Variants in NXPH1 observed in about 807,000 individuals in gnomAD.
NXPH1 encodes neurexophilin-1.
In NXPH1, 5 loss-of-function variants were observed where a neutral mutation model predicts 23.7. That is an observed-to-expected ratio of 0.21 (90% confidence interval 0.11 to 0.44). NXPH1 has a LOEUF of 0.44. NXPH1 is among the 20% of genes least tolerant of loss of function. The pLI, the probability that NXPH1 is intolerant of heterozygous loss-of-function variation, is 0.99. For missense variants in NXPH1, 324 were observed against 321.6 expected, an observed-to-expected ratio of 1.01 and a Z score of -0.06; for synonymous variants, 144 against 122.2, an observed-to-expected ratio of 1.18 and a Z score of -1.18.
chr7:8,506,773 G>C (rs1279676378), intron 2 of NXPH1, among the ~76,000 whole-genome samples: 1 of 152,016 alleles, frequency 6.6e-6, no homozygotes, highest in East Asian at 1.9e-4. Context: ...GAAGGAGTGA[G>C]GGCCAATGCA....
At chr7:8,712,213 G>A (rs1017003) in intron 2 of NXPH1, among the ~76,000 whole-genome samples, 69,018 of 151,886 alleles carry the variant, frequency 0.45, 16,991 homozygotes, top group African/African-American at 0.65. Flanking sequence ...TGTTGAACTC[G>A]GTATGTTTAA....
At chr7:8,732,578 A>G (rs1780176999) in intron 2 of NXPH1, among the ~76,000 whole-genome samples, 1 of 152,234 alleles carries the variant, frequency 6.6e-6, no homozygotes, top group South Asian at 2.1e-4. Flanking sequence ...TTTTATGGGT[A>G]ATACAAAAGT....
At chr7:8,689,187 G>T (rs1821190997) in intron 2 of NXPH1, among the ~76,000 whole-genome samples, 1 of 152,054 alleles carries the variant, frequency 6.6e-6, no homozygotes, top group Admixed American at 6.6e-5. Context: ...AGAGTCAAGG[G>T]CACTCAGCTT....
In NXPH1 at chr7:8,446,918, T is replaced by G. The variant is rs1003625598; in HGVS notation, c.54+11151T>G. 2.0e-3 allele frequency among the ~76,000 whole-genome samples: 268 copies of G among 131,096 alleles called. 1 individual carries two copies. The highest frequency in any genetic ancestry group is 6.4e-3 in the African/African-American group (253 of 39,712). 86.0% of individuals were successfully genotyped at this position (131,096 alleles called of 152,430 possible). A position where few individuals can be genotyped will look rare whatever the true frequency, so the allele number is the denominator to read the frequency against. On this transcript the variant is annotated intron_variant, in intron 2 of 2. Coordinates refer to ENST00000405863, the MANE Select transcript of NXPH1 (RefSeq NM_152745.3). ...CTAGAATAGTAATATTCTTTTTTTT[T>G]TTTCTTATAAGAATGACCACTGCAC...
chr7:8,617,224 AG>A (rs1819763625), intron 2 of NXPH1, among the ~76,000 whole-genome samples: 1 of 152,038 alleles, frequency 6.6e-6, no homozygotes, highest in Admixed American at 6.6e-5. Flanking sequence ...TTTGTTTTAG[AG>A]GTAAACTCAA....
chr7:8,627,437 G>C (rs1026780060), intron 2 of NXPH1, among the ~76,000 whole-genome samples: 4 of 152,082 alleles, frequency 2.6e-5, no homozygotes, highest in Non-Finnish European at 4.4e-5. Context: ...ATAAAACAAA[G>C]AAAAGACTTC....
At chr7:8,595,548 A>T (rs1020606120) in intron 2 of NXPH1, among the ~76,000 whole-genome samples, 3 of 152,096 alleles carry the variant, frequency 2.0e-5, no homozygotes, top group Non-Finnish European at 4.4e-5. Flanking sequence ...TGAATTAGTC[A>T]TTGGATACAT....
intron 2 of NXPH1, among the ~76,000 whole-genome samples, chr7:8,698,784 T>G (rs1583235670): frequency 6.6e-6 from 1 of 152,224 alleles, no homozygotes; most frequent in East Asian, 1.9e-4. Flanking sequence ...TAGATGAAAT[T>G]AGAATTGGTA....
At chr7:8,521,160 T>G (rs750932683) in intron 2 of NXPH1, among the ~76,000 whole-genome samples, 2 of 152,072 alleles carry the variant, frequency 1.3e-5, no homozygotes, top group African/African-American at 2.4e-5. Context: ...TGAAGATGGA[T>G]ATGATGAATG....
At chr7:8,438,262 C>T (rs923698159) in intron 2 of NXPH1, among the ~76,000 whole-genome samples, 1 of 152,180 alleles carries the variant, frequency 6.6e-6, no homozygotes, top group Non-Finnish European at 1.5e-5. Context: ...CATTAAATAC[C>T]AGATACAGTT....
intron 2 of NXPH1, among the ~76,000 whole-genome samples, chr7:8,649,222 A>T (rs139274639): frequency 6.6e-6 from 1 of 152,180 alleles, no homozygotes; most frequent in Non-Finnish European, 1.5e-5. Flanking sequence ...GTCCATTTAC[A>T]TTCATTGTGA....
intron 2 of NXPH1, among the ~76,000 whole-genome samples, chr7:8,455,336 A>G (rs1816577175): frequency 6.6e-6 from 1 of 152,296 alleles, no homozygotes; most frequent in South Asian, 2.1e-4. Context: ...ATCAGTTGTC[A>G]TGATATTCCA....
chr7:8,540,200 C>A, intron 2 of NXPH1, among the ~76,000 whole-genome samples: 1 of 151,678 alleles, frequency 6.6e-6, no homozygotes, highest in East Asian at 2.0e-4. Context: ...TACTACCCAC[C>A]TTGGATATTC....
At chr7:8,520,701 C>T (rs1298628374) in intron 2 of NXPH1, among the ~76,000 whole-genome samples, 2 of 152,132 alleles carry the variant, frequency 1.3e-5, no homozygotes, top group Non-Finnish European at 2.9e-5. Flanking sequence ...TCACTCTTCC[C>T]ATCTGTTAAT....
At chr7:8,604,351 A>AT (rs1159470753) in intron 2 of NXPH1, among the ~76,000 whole-genome samples, 3 of 152,166 alleles carry the variant, frequency 2.0e-5, no homozygotes, top group Non-Finnish European at 2.9e-5. Flanking sequence ...AATGTACCCA[A>AT]CACTGAATGT....
At chr7:8,661,478 T>G (rs1375829129) in intron 2 of NXPH1, among the ~76,000 whole-genome samples, 2 of 152,114 alleles carry the variant, frequency 1.3e-5, no homozygotes, top group East Asian at 3.8e-4. Flanking sequence ...GTTTTGGGCT[T>G]TTAGCAGCCT....
At chr7:8,622,846 G>T (rs1562431656) in intron 2 of NXPH1, among the ~76,000 whole-genome samples, 2 of 152,178 alleles carry the variant, frequency 1.3e-5, no homozygotes, top group Admixed American at 6.5e-5. Flanking sequence ...TGAATATTTT[G>T]AGGTGGGACA....
intron 2 of NXPH1, among the ~76,000 whole-genome samples, chr7:8,626,578 T>C (rs548963036): frequency 7.3e-4 from 111 of 152,194 alleles, no homozygotes; most frequent in Non-Finnish European, 1.2e-3. Context: ...TAGGATTCAT[T>C]AGCACACTTT....
At chr7:8,607,771 T>C (rs1310754897) in intron 2 of NXPH1, among the ~76,000 whole-genome samples, 1 of 152,230 alleles carries the variant, frequency 6.6e-6, no homozygotes, top group African/African-American at 2.4e-5. Flanking sequence ...CAAAAAGATC[T>C]GTTGAGGTCC....
Sources: gnomAD v4.1 joint callset for allele counts (sites outside exome capture counted in the v4.1 genomes callset) on GRCh38, gnomAD v4.1.1 for gene constraint, MANE v1.5 for transcripts, NCBI Gene and HGNC (gene_info 2026-07-23, HGNC 2026-07-21) for gene names.